Variants in NGEF observed in about 807,000 individuals in gnomAD.
NGEF encodes the protein ephexin-1.
A neutral mutation model predicts 80.9 loss-of-function variants in NGEF; 31 were observed. That is an observed-to-expected ratio of 0.38 (90% CI 0.29 to 0.52). NGEF has a LOEUF of 0.52. NGEF is among the 20% of genes least tolerant of loss of function. NGEF has a pLI of 0.84. For missense variants in NGEF, 709 were observed against 926.2 expected (o/e 0.77, Z 3.04); for synonymous variants, 371 against 370.2 (o/e 1.00, Z -0.03).
intron 11 of NGEF, among the ~76,000 whole-genome samples, chr2:232,883,672 C>G (rs1383620319): frequency 6.6e-6 from 1 of 152,184 alleles, no homozygotes; most frequent in African/African-American, 2.4e-5. Flanking sequence ...GCACCACGGT[C>G]CTGCCAACCC....
rs745775597 is a variant in NGEF at position 232,882,166 on chromosome 2, C to T, written c.1837+20G>A. 3 of 1,611,212 alleles carry T rather than the reference C, an allele frequency of 1.9e-6. No individual in the cohort carries two copies. In the African/African-American group the frequency reaches 4.0e-5, roughly 22 times the overall value. ...CCAGCCCAAGGACAAATGGCGCCCCCTTACCCACCGGTGACTTACCCAGCA... is the reference window on the plus strand; with the variant it reads ...CCAGCCCAAGGACAAATGGCGCCCCTTTACCCACCGGTGACTTACCCAGCA... On this transcript the variant is annotated intron_variant, in intron 13 of 14. Transcript: ENST00000264051.
intron 5 of NGEF, among the ~76,000 whole-genome samples, chr2:232,905,382 A>G (rs535760535): frequency 6.5e-4 from 96 of 147,770 alleles, no homozygotes; most frequent in African/African-American, 2.3e-3. Context: ...AGGATTGCAG[A>G]CGGAGTCTCG....
Position 232,970,278 on chromosome 2 carries a change from G to C in NGEF, c.319C>G (p.Pro107Ala), listed in dbSNP as rs1236437139. The part of the protein sequence containing the change: ...SVNEPLTLNI[P>A]WSRMPPCRTA... ...CTGCAAGGAGGCATTCTGCTCCAGG[G>C]GATATTCAAGGTCAGGGGCTCATTT... is the stretch of plus-strand genomic sequence containing the variant. The change falls in exon 3 of 15, where the codon CCC becomes GCC. Residue 107 changes from proline to alanine, a missense_variant. Pro to Ala is a conservative substitution (Grantham distance 27, BLOSUM62 -1). This residue lies in a region of NGEF where 283 missense variants were observed against 303.4 expected (regional missense o/e 0.93). Coordinates refer to ENST00000264051, the MANE Select transcript of NGEF (RefSeq NM_019850.3). 1 of 1,605,076 alleles carries C rather than the reference G, an allele frequency of 6.2e-7. No individual in the cohort carries two copies. Among genetic ancestry groups the C allele is most frequent in the East Asian group, 2.3e-5 (1 of 43,966 alleles).
chr2:232,992,828 A>G (rs1338896086), intron 1 of NGEF, among the ~76,000 whole-genome samples: 1 of 151,400 alleles, frequency 6.6e-6, no homozygotes, highest in Admixed American at 6.6e-5. Context: ...CTCTACAAAA[A>G]ATACAAAAAT....
intron 5 of NGEF, among the ~76,000 whole-genome samples, chr2:232,907,181 AAAAAAAG>A (rs1201447107): frequency 1.1e-4 from 9 of 82,116 alleles, no homozygotes; most frequent in South Asian, 3.8e-4. Flanking sequence ...AAAGAAAAGA[AAAAAAAG>A]AAAAAAAAAA....
At chr2:233,001,687 C>T (rs1694981669) in intron 1 of NGEF, among the ~76,000 whole-genome samples, 1 of 152,198 alleles carries the variant, frequency 6.6e-6, no homozygotes, top group Non-Finnish European at 1.5e-5. Flanking sequence ...GAGCAGTAGC[C>T]TGGCCAACGT....
chr2:232,898,746 C>G (rs1193561061), intron 5 of NGEF, among the ~76,000 whole-genome samples: 3 of 152,326 alleles, frequency 2.0e-5, no homozygotes, highest in Admixed American at 1.3e-4. Context: ...ACTGGGCACT[C>G]GGCTGTGAAC....
intron 6 of NGEF, among the ~76,000 whole-genome samples, chr2:232,894,314 C>A (rs1172078275): frequency 1.3e-5 from 2 of 152,230 alleles, no homozygotes; most frequent in Admixed American, 6.5e-5. Context: ...AGGGCTGCAC[C>A]CTGCACAGGG....
rs562266301 is a variant in NGEF at position 232,883,276 on chromosome 2, G to A, written c.1757+35C>T. ...TCGAGGCCACACAGAAAGGTGCCAC[G>A]GGTAGCACTGGGCGTGTGGCGGCGA... On this transcript the variant is annotated intron_variant, in intron 12 of 14. Coordinates refer to ENST00000264051, the MANE Select transcript of NGEF (RefSeq NM_019850.3). The A allele has an allele frequency of 9.6e-6, 15 of 1,556,608 alleles. No homozygotes were observed. The East Asian group carries it at 1.4e-4, about 14-fold the overall frequency.
In NGEF at chr2:232,996,830, A is replaced by T. The variant is rs73995788; in HGVS notation, c.-75+16238T>A. ...TTTCTTATGGTTAAAAGATTTTTTT[A>T]AAATTTTAGCAGGATACATAAAGAG... On this transcript the variant is annotated intron_variant, in intron 1 of 14. Coordinates refer to ENST00000264051, the MANE Select transcript of NGEF (RefSeq NM_019850.3). Among the ~76,000 whole-genome samples the T allele has an allele frequency of 1.6e-3, 243 of 149,930 alleles. 1 individual carries two copies. The highest frequency in any genetic ancestry group is 6.0e-3 in the African/African-American group (236 of 39,354).
At chr2:232,985,388 G>A (rs948918751) in intron 1 of NGEF, among the ~76,000 whole-genome samples, 9 of 152,134 alleles carry the variant, frequency 5.9e-5, no homozygotes, top group East Asian at 1.9e-4. Flanking sequence ...AGGCCGAGGC[G>A]GGCAGATCAC....
chr2:232,955,620 G>A (rs1693809884), intron 3 of NGEF, among the ~76,000 whole-genome samples: 1 of 152,164 alleles, frequency 6.6e-6, no homozygotes, highest in South Asian at 2.1e-4. Flanking sequence ...CTGAGTTCAA[G>A]CAATTCTTGT....
At chr2:232,959,994 G>GTCCCAGGCTC (rs1468700989) in intron 3 of NGEF, among the ~76,000 whole-genome samples, 1 of 152,242 alleles carries the variant, frequency 6.6e-6, no homozygotes, top group Non-Finnish European at 1.5e-5. Context: ...GTCCCAGGCT[G>GTCCCAGGCTC]TCCCTGCTGA....
In NGEF at chr2:232,948,831, A is replaced by G. The variant is rs377242144; in HGVS notation, c.383+21383T>C. ...TCAGGAGTTTGAGACTCGCCTGGCC[A>G]ACATGGTGAAACCCTGTCTCTACTA... On this transcript the variant is annotated intron_variant, in intron 3 of 14. Coordinates refer to ENST00000264051, the MANE Select transcript of NGEF (RefSeq NM_019850.3). Among the ~76,000 whole-genome samples, 1,367 of 152,202 alleles carry G rather than the reference A, an allele frequency of 9.0e-3. 22 individuals are homozygous for G. The highest frequency in any genetic ancestry group is 0.031 in the African/African-American group (1,303 of 41,542).
chr2:232,920,203 C>T, intron 5 of NGEF, 81 bp downstream of exon 5: 1 of 1,399,556 alleles, frequency 7.1e-7, no homozygotes, highest in Non-Finnish European at 9.8e-7. Context: ...GAACCTCACC[C>T]CCCAGAGGAA....
chr2:232,992,645 C>T (rs1183923057), intron 1 of NGEF, among the ~76,000 whole-genome samples: 1 of 151,850 alleles, frequency 6.6e-6, no homozygotes, highest in East Asian at 1.9e-4. Context: ...AATCTTGTAC[C>T]TAGAGTATAT....
intron 5 of NGEF, among the ~76,000 whole-genome samples, chr2:232,906,090 T>G (rs866337764): frequency 1.3e-5 from 1 of 75,070 alleles, no homozygotes; most frequent in East Asian, 4.5e-4. Flanking sequence ...GCCCCCCGCC[T>G]GGTCAGCCGT....
chr2:232,981,560 G>A (rs1327691719), intron 1 of NGEF, among the ~76,000 whole-genome samples: 1 of 152,056 alleles, frequency 6.6e-6, no homozygotes, highest in East Asian at 1.9e-4. Flanking sequence ...ACACCACCCA[G>A]ACCGTGGTAA....
At chr2:232,962,832 C>T (rs1373912721) in intron 3 of NGEF, among the ~76,000 whole-genome samples, 1 of 151,740 alleles carries the variant, frequency 6.6e-6, no homozygotes, top group Non-Finnish European at 1.5e-5. Context: ...ATTTAAGTTG[C>T]CAATATTCAG....
Sources: allele counts gnomAD v4.1 joint callset (sites outside exome capture counted in the v4.1 genomes callset), GRCh38; gene constraint gnomAD v4.1.1; regional missense constraint gnomAD v4.1.1; transcripts MANE v1.5; gene names NCBI Gene and HGNC (gene_info 2026-07-23, HGNC 2026-07-21).